Variants in P4HB observed in about 807,000 individuals in gnomAD.
P4HB encodes the protein prolyl 4-hydroxylase subunit beta.
A neutral mutation model predicts 52.6 loss-of-function variants in P4HB; 20 were observed. That is an observed-to-expected ratio of 0.38 (90% CI 0.27 to 0.55). The LOEUF is 0.55. P4HB is among the 20% of genes least tolerant of loss of function. The pLI, the probability that P4HB is intolerant of heterozygous loss-of-function variation, is 0.74. For synonymous variants in P4HB, 296 were observed against 277.9 expected, an observed-to-expected ratio of 1.07 and a Z score of -0.65; for missense variants, 601 against 669.2, an observed-to-expected ratio of 0.90 and a Z score of 1.12.
intron 4 of P4HB, among the ~76,000 whole-genome samples, chr17:81,853,466 C>A (rs996983924): frequency 6.6e-6 from 1 of 151,718 alleles, no homozygotes; most frequent in Non-Finnish European, 1.5e-5. Flanking sequence ...CCCAGCTACT[C>A]GGGAGGCTGA....
At chr17:81,845,464 C>A in intron 9 of P4HB, 97 bp downstream of exon 9, 1 of 1,249,444 alleles carries the variant, frequency 8.0e-7, no homozygotes, top group South Asian at 1.5e-5. Flanking sequence ...TCCCACCTGA[C>A]TAGCCCCAGG....
intron 4 of P4HB, among the ~76,000 whole-genome samples, chr17:81,853,780 C>T (rs2038870371): frequency 6.6e-6 from 1 of 152,104 alleles, no homozygotes; most frequent in Non-Finnish European, 1.5e-5. Flanking sequence ...CTCCCCAGGT[C>T]CCTCCTCTCC....
chr17:81,843,837 G>T lies in P4HB; in HGVS notation c.*175C>A. The T allele has an allele frequency of 1.6e-6, 1 of 635,156 alleles. No homozygotes were observed. Among genetic ancestry groups the T allele is most frequent in the African/African-American group, 1.8e-5 (1 of 55,424 alleles). 39.3% of individuals were successfully genotyped at this position (635,156 alleles called of 1,614,324 possible). A position where few individuals can be genotyped will look rare whatever the true frequency, so the allele number is the denominator to read the frequency against. On this transcript the variant is annotated 3_prime_UTR_variant, in exon 11 of 11. Transcript: ENST00000331483. ...CTTTCCAAAAACCGAAAAGCAGAAG[G>T]AAGAGACGGGGGTGAACGGACGGTG...
Position 81,843,789 on chromosome 17 carries a change from G to A in P4HB, c.*223C>T. The stretch of plus-strand genomic sequence containing the variant: ...GTTTCAGGAAACAAGCCCCACCAGG[G>A]TGGGCTGCCTGGAGATGGATCCCTT... On this transcript the variant is annotated 3_prime_UTR_variant, in exon 11 of 11. Transcript: ENST00000331483. The A allele has an allele frequency of 1.7e-6, 1 of 600,108 alleles. No homozygotes were observed. The highest frequency in any genetic ancestry group is 3.0e-6 in the Non-Finnish European group (1 of 337,626). 37.2% of individuals were successfully genotyped at this position (600,108 alleles called of 1,614,324 possible).
chr17:81,859,537 G>A, intron 1 of P4HB, 150 bp from the exon 2 acceptor site: 1 of 673,884 alleles, frequency 1.5e-6, no homozygotes, highest in Non-Finnish European at 2.5e-6. Flanking sequence ...ACAAGGCTGA[G>A]CTGATAGCCT....
intron 2 of P4HB, among the ~76,000 whole-genome samples, chr17:81,856,931 A>G (rs2038921598): frequency 6.6e-6 from 1 of 151,928 alleles, no homozygotes; most frequent in African/African-American, 2.4e-5. Context: ...TACATGCGTG[A>G]GCCACCATGC....
chr17:81,852,775 G>A (rs1050718625), intron 4 of P4HB, among the ~76,000 whole-genome samples: 1 of 152,212 alleles, frequency 6.6e-6, no homozygotes, highest in Non-Finnish European at 1.5e-5. Context: ...CAGCCTTCGC[G>A]GACACATATC....
At chr17:81,844,277 C>T (rs572603274) in intron 10 of P4HB, among the ~76,000 whole-genome samples, 185 bp from the exon 11 acceptor site, 4 of 152,330 alleles carry the variant, frequency 2.6e-5, no homozygotes, top group African/African-American at 9.6e-5. Flanking sequence ...AAGAGTGACG[C>T]CTGGGGGATT....
Position 81,847,363 on chromosome 17 carries a change from G to C in P4HB, c.625-16C>G. 6.2e-7 allele frequency: 1 copy of C among 1,601,464 alleles called. No homozygotes were observed. Among genetic ancestry groups the C allele is most frequent in the Non-Finnish European group, 8.6e-7 (1 of 1,168,450 alleles). ...CTTCATCAAACTGTGGACAGAAAGA[G>C]GGCCCTGACTGAGCATTGCTGCTGG... On this transcript the variant is annotated splice_polypyrimidine_tract_variant and intron_variant, in intron 4 of 10. Coordinates refer to ENST00000331483, the MANE Select transcript of P4HB (RefSeq NM_000918.4).
At chr17:81,859,088 C>T (rs1170207589) in intron 2 of P4HB, 93 bp downstream of exon 2, 26 of 1,179,032 alleles carry the variant, frequency 2.2e-5, no homozygotes, top group Non-Finnish European at 2.9e-5. Flanking sequence ...TGGAACCCGG[C>T]CTCCCCACCG....
rs757101450 is a variant in P4HB, at chr17:81,846,929, C to T, written c.855+18G>A. The T allele has an allele frequency of 6.2e-7, 1 of 1,613,378 alleles. No homozygotes were observed. Among genetic ancestry groups the T allele is most frequent in the Non-Finnish European group, 8.5e-7 (1 of 1,179,994 alleles). On this transcript the variant is annotated intron_variant, in intron 6 of 10. Transcript: ENST00000331483. This position sits in a 1 kb window ranked among gnomAD's most constrained non-coding sequence, Gnocchi z 5.7. ...CTCCCTGGCACCGCCCCACGAGCCA[C>T]CCAGAAGAGCAGCTCACCTTGCCCT...
rs375981778 is a variant in P4HB, at chr17:81,860,063, C to T, written c.145+264G>A. The T allele has an allele frequency of 1.5e-5, 5 of 341,078 alleles. No homozygotes were observed. In the East Asian group the frequency reaches 2.3e-4, roughly 16 times the overall value. 21.1% of individuals were successfully genotyped at this position (341,078 alleles called of 1,614,324 possible). On this transcript the variant is annotated intron_variant, in intron 1 of 10. Transcript: ENST00000331483. ...TGGACACTGGCTTGCTCTGTTTGCT[C>T]ACACAGGTCGATCCTGTTCTTCTCG...
intron 1 of P4HB, 167 bp from the exon 2 acceptor site, chr17:81,859,554 CT>C (rs1455638551): frequency 3.2e-6 from 2 of 630,550 alleles, no homozygotes; most frequent in Non-Finnish European, 5.5e-6. Context: ...GCCTGGTGTT[CT>C]TGGGCAATAT....
chr17:81,848,844 G>A (rs2038782028), intron 4 of P4HB, among the ~76,000 whole-genome samples: 1 of 145,042 alleles, frequency 6.9e-6, no homozygotes, highest in Non-Finnish European at 1.5e-5. Flanking sequence ...CACGAGTTTG[G>A]GACCAGCCTG....
intron 5 of P4HB, 51 bp downstream of exon 5, chr17:81,847,189 ACCC>A (rs988466444): frequency 3.3e-5 from 52 of 1,599,440 alleles, no homozygotes; most frequent in Non-Finnish European, 4.0e-5. Context: ...GCCTCATGCC[ACCC>A]CCAACCCACT....
intron 2 of P4HB, among the ~76,000 whole-genome samples, chr17:81,857,647 G>T (rs2038932069): frequency 6.6e-6 from 1 of 152,150 alleles, no homozygotes; most frequent in African/African-American, 2.4e-5. Context: ...AGGCGTTTCG[G>T]GAGTTCTCGC....
chr17:81,848,918 C>T (rs765910130), intron 4 of P4HB, among the ~76,000 whole-genome samples: 6 of 151,150 alleles, frequency 4.0e-5, no homozygotes, highest in Non-Finnish European at 5.9e-5. Context: ...TGGTGGTGCA[C>T]ACCTGTAATC....
chr17:81,849,458 T>C (rs2038793794), intron 4 of P4HB, among the ~76,000 whole-genome samples: 1 of 152,104 alleles, frequency 6.6e-6, no homozygotes, highest in Admixed American at 6.6e-5. Flanking sequence ...ATCGTGCCAC[T>C]GCATTCGAGC....
chr17:81,844,158 GCACCCCACA>G, intron 10 of P4HB, 66 bp from the exon 11 acceptor site: 1 of 1,113,186 alleles, frequency 9.0e-7, no homozygotes, highest in Non-Finnish European at 1.4e-6. Context: ...CCGGCCCCCA[GCACCCCACA>G]CTGCTCACAC....
Sources: allele counts gnomAD v4.1 joint callset (sites outside exome capture counted in the v4.1 genomes callset), GRCh38; gene constraint gnomAD v4.1.1; non-coding constraint Gnocchi (gnomAD v3.1); transcripts MANE v1.5; gene names NCBI Gene and HGNC (gene_info 2026-07-23, HGNC 2026-07-21).